MYLK4: variants seen among roughly 807,000 people sequenced by gnomAD.
MYLK4 encodes the protein caMLCK like.
A neutral mutation model predicts 48.1 loss-of-function variants in MYLK4; 46 were observed. The observed-to-expected ratio is 0.96, with a 90% CI of 0.75 to 1.22. The LOEUF (loss-of-function observed/expected upper bound fraction) is 1.22. MYLK4 is among the 50% of genes most tolerant of loss of function. The probability of loss-of-function intolerance (pLI) is 0.00; values close to 1 mark genes in which losing one functional copy is unlikely to be tolerated. For missense variants in MYLK4, 451 were observed against 486.1 expected (o/e 0.93, Z 0.68); for synonymous variants, 170 against 180.8 (o/e 0.94, Z 0.48).
chr6:2,694,556 C>A (rs12176191), intron 2 of MYLK4, among the ~76,000 whole-genome samples: 18 of 3,078 alleles, frequency 5.8e-3, no homozygotes, highest in African/African-American at 0.023. Flanking sequence ...TGGTGGTAGT[C>A]GTGGTGGTAG....
At chr6:2,743,517 A>G (rs1200754633) in intron 2 of MYLK4, among the ~76,000 whole-genome samples, 1 of 152,248 alleles carries the variant, frequency 6.6e-6, no homozygotes, top group Admixed American at 6.5e-5. Flanking sequence ...AGGGCTGATC[A>G]CTGCAGGTGC....
At chr6:2,748,709 T>C (rs9503295) in intron 2 of MYLK4, among the ~76,000 whole-genome samples, 61 of 152,356 alleles carry the variant, frequency 4.0e-4, no homozygotes, top group African/African-American at 1.4e-3. Context: ...AGCAAGTCTT[T>C]CTTGTCCCTT....
chr6:2,694,002 G>T (rs978804471), intron 2 of MYLK4, among the ~76,000 whole-genome samples: 21 of 152,008 alleles, frequency 1.4e-4, no homozygotes, highest in African/African-American at 5.1e-4. Flanking sequence ...CAGTTGATCC[G>T]CCTGCCCCGG....
At chr6:2,769,908 C>T in the MYLK4 span, among the ~76,000 whole-genome samples, 2 of 152,148 alleles carry the variant, frequency 1.3e-5, no homozygotes, top group Non-Finnish European at 2.9e-5. Flanking sequence ...CAGGCTTGGA[C>T]GGGCATTCCA....
intron 2 of MYLK4, among the ~76,000 whole-genome samples, chr6:2,713,550 T>A (rs1339611131): frequency 1.3e-5 from 2 of 152,194 alleles, no homozygotes; most frequent in African/African-American, 4.8e-5. Flanking sequence ...TTGCCACTGC[T>A]TGGTGAAATA....
chr6:2,720,442 C>T (rs1168352744), intron 2 of MYLK4, among the ~76,000 whole-genome samples: 1 of 150,744 alleles, frequency 6.6e-6, no homozygotes, highest in Non-Finnish European at 1.5e-5. Context: ...ACTAATGAAA[C>T]AAAGCAAGTT....
intron 2 of MYLK4, among the ~76,000 whole-genome samples, chr6:2,745,657 G>A (rs920505171): frequency 2.4e-4 from 36 of 152,204 alleles, no homozygotes; most frequent in African/African-American, 8.2e-4. Flanking sequence ...ACACACAGCA[G>A]CTCATGCCTG....
chr6:2,764,556 A>G, the MYLK4 span, among the ~76,000 whole-genome samples: 2 of 61,736 alleles, frequency 3.2e-5, no homozygotes, highest in African/African-American at 1.2e-4. Context: ...CGGGAGACTT[A>G]GACAAAAGCA....
In MYLK4 at chr6:2,749,302, G is replaced by A. The variant is rs367760237; in HGVS notation, c.-8C>T. 5.0e-6 allele frequency: 8 copies of A among 1,611,110 alleles called. No homozygotes were observed. In the South Asian group the frequency reaches 5.5e-5, roughly 11 times the overall value. On this transcript the variant is annotated 5_prime_UTR_variant, in exon 2 of 13. Transcript: ENST00000274643. ...CCTCTTCACTTTTAACATCTTAGTA[G>A]TGAGTCCGATTAAGCTACTTTCTGG...
chr6:2,713,878 C>T (rs2113259649), intron 2 of MYLK4, among the ~76,000 whole-genome samples: 1 of 152,290 alleles, frequency 6.6e-6, no homozygotes, highest in South Asian at 2.1e-4. Flanking sequence ...AAATCATGGC[C>T]ACTCCCACTC....
the MYLK4 span, chr6:2,765,967 C>T: frequency 8.0e-5 from 113 of 1,418,424 alleles, no homozygotes; most frequent in African/African-American, 1.6e-3. Flanking sequence ...ACGCGCCGCC[C>T]ACACCCAGCG....
chr6:2,694,513 C>T (rs62389610), intron 2 of MYLK4, among the ~76,000 whole-genome samples: 1,184 of 3,460 alleles, frequency 0.34, 154 homozygotes, highest in Non-Finnish European at 0.4. Context: ...GTGGTGGTGG[C>T]GGTGGTGGTG....
chr6:2,670,959 C>A (rs1760865098), intron 12 of MYLK4, among the ~76,000 whole-genome samples: 3 of 152,000 alleles, frequency 2.0e-5, no homozygotes, highest in African/African-American at 7.3e-5. Flanking sequence ...CGGTTACCAG[C>A]ACCCCCTGGG....
At chr6:2,712,892 C>G (rs1762723992) in intron 2 of MYLK4, among the ~76,000 whole-genome samples, 1 of 152,192 alleles carries the variant, frequency 6.6e-6, no homozygotes, top group Non-Finnish European at 1.5e-5. Flanking sequence ...AAACCAAGGA[C>G]TGATCTACAG....
chr6:2,692,985 A>G (rs1761873078), intron 2 of MYLK4, 126 bp from the exon 3 acceptor site: 1 of 839,344 alleles, frequency 1.2e-6, no homozygotes, highest in African/African-American at 1.7e-5. Flanking sequence ...ACAGGACAGC[A>G]GCATCACTGG....
intron 2 of MYLK4, among the ~76,000 whole-genome samples, chr6:2,708,365 C>T (rs1762565404): frequency 6.6e-6 from 1 of 152,104 alleles, no homozygotes; most frequent in Non-Finnish European, 1.5e-5. Flanking sequence ...TCAGAGAATA[C>T]CAAAGTGCTG....
In MYLK4 at chr6:2,685,437, T is replaced by C. The variant is rs1761496363; in HGVS notation, c.436-32A>G. 1.2e-6 allele frequency: 1 copy of C among 861,200 alleles called. No homozygotes were observed. The highest frequency in any genetic ancestry group is 1.9e-5 in the Admixed American group (1 of 51,692). 53.3% of individuals were successfully genotyped at this position (861,200 alleles called of 1,614,324 possible). A position where few individuals can be genotyped will look rare whatever the true frequency, so the allele number is the denominator to read the frequency against. Reference sequence around the variant, plus strand: ...AGCAGGAAACAGTGCATTAGTGTGGTCAAGATGGGGCGGGGAGGGAGGGGA... The same window carrying C: ...AGCAGGAAACAGTGCATTAGTGTGGCCAAGATGGGGCGGGGAGGGAGGGGA... On this transcript the variant is annotated intron_variant, in intron 5 of 12. Coordinates refer to ENST00000274643, the MANE Select transcript of MYLK4 (RefSeq NM_001012418.5). The surrounding 1 kb of genome is among the most constrained non-coding windows in gnomAD (Gnocchi z 4.5).
intron 2 of MYLK4, among the ~76,000 whole-genome samples, chr6:2,729,795 A>G (rs1417246054): frequency 6.6e-6 from 1 of 152,104 alleles, no homozygotes; most frequent in African/African-American, 2.4e-5. Flanking sequence ...GAACCCTGTT[A>G]GGACCTATAT....
chr6:2,756,928 A>C, the MYLK4 span, among the ~76,000 whole-genome samples: 3 of 152,362 alleles, frequency 2.0e-5, no homozygotes, highest in East Asian at 3.9e-4. Flanking sequence ...TCTAAATTGG[A>C]AGTAGATTTC....
Sources: gnomAD v4.1 joint callset for allele counts (sites outside exome capture counted in the v4.1 genomes callset) on GRCh38, gnomAD v4.1.1 for gene constraint, Gnocchi (gnomAD v3.1) non-coding constraint, MANE v1.5 for transcripts, NCBI Gene and HGNC (gene_info 2026-07-23, HGNC 2026-07-21) for gene names.